KALRN: variants seen among roughly 807,000 people sequenced by gnomAD.
KALRN encodes kalirin.
KALRN carries 70 observed loss-of-function variants against 353.7 expected under a neutral mutation model. The observed-to-expected ratio is 0.20, with a 90% CI of 0.16 to 0.24. KALRN has a LOEUF of 0.24. Ranked by LOEUF, KALRN falls within the 10% of genes least tolerant of loss-of-function variation. The pLI, the probability that KALRN is intolerant of heterozygous loss-of-function variation, is 1.00. For missense variants in KALRN, 2,791 were observed against 3,756.7 expected (o/e 0.74, Z 6.72); for synonymous variants, 1,391 against 1,434.8 (o/e 0.97, Z 0.69).
chr3:124,439,504 A>C (rs2093605756), intron 18 of KALRN, among the ~76,000 whole-genome samples: 1 of 152,214 alleles, frequency 6.6e-6, no homozygotes. Flanking sequence ...TGGCTAATTA[A>C]ATTATTTTTT....
intron 20 of KALRN, 61 bp downstream of exon 20, chr3:124,446,337 CA>C (rs1480809371): frequency 4.0e-6 from 5 of 1,249,348 alleles, no homozygotes; most frequent in Non-Finnish European, 5.8e-6. Context: ...GGCCCATCAC[CA>C]AGGCTTAGTC....
intron 1 of KALRN, among the ~76,000 whole-genome samples, chr3:124,189,001 G>A (rs1027297752): frequency 2.0e-5 from 3 of 152,118 alleles, no homozygotes; most frequent in African/African-American, 7.2e-5. Flanking sequence ...GTCCTGGGGC[G>A]GAGGCATTAT....
chr3:124,446,411 G>A, intron 20 of KALRN, 135 bp downstream of exon 20: 4 of 653,312 alleles, frequency 6.1e-6, no homozygotes, highest in Non-Finnish European at 8.0e-6. Flanking sequence ...AAGAAAGCAG[G>A]TTGTCACCTG....
At chr3:124,540,917 G>T (rs2068962394) in intron 33 of KALRN, among the ~76,000 whole-genome samples, 1 of 152,168 alleles carries the variant, frequency 6.6e-6, no homozygotes, top group South Asian at 2.1e-4. Flanking sequence ...AGTATTAATT[G>T]TTCTCCCTAT....
intron 6 of KALRN, among the ~76,000 whole-genome samples, chr3:124,303,075 A>C (rs1239660360): frequency 3.3e-5 from 5 of 152,238 alleles, no homozygotes; most frequent in African/African-American, 1.2e-4. Context: ...TCATTAAATC[A>C]CAGAAGAAAA....
chr3:124,236,615 C>T (rs2079805808), intron 3 of KALRN, among the ~76,000 whole-genome samples: 1 of 152,158 alleles, frequency 6.6e-6, no homozygotes, highest in African/African-American at 2.4e-5. Flanking sequence ...CTAATTGATG[C>T]TCATCTTTTC....
chr3:124,073,799 G>A (rs1163173026), intron 1 of KALRN, among the ~76,000 whole-genome samples: 1 of 152,090 alleles, frequency 6.6e-6, no homozygotes, highest in Non-Finnish European at 1.5e-5. Context: ...AGGAGGGCCT[G>A]GATTCGAACC....
chr3:124,610,852 AAAAG>A (rs749384272), intron 34 of KALRN, among the ~76,000 whole-genome samples: 4 of 151,130 alleles, frequency 2.6e-5, no homozygotes, highest in African/African-American at 9.8e-5. Flanking sequence ...CCCTACAAAA[AAAAG>A]AAAAGAAAAG....
intron 1 of KALRN, among the ~76,000 whole-genome samples, chr3:124,178,917 C>T (rs1273436419): frequency 6.6e-6 from 1 of 152,050 alleles, no homozygotes; most frequent in Non-Finnish European, 1.5e-5. Context: ...CCAGCCTGGG[C>T]AACATAACGA....
At chr3:124,562,022 G>A (rs1484985523) in intron 33 of KALRN, among the ~76,000 whole-genome samples, 1 of 152,140 alleles carries the variant, frequency 6.6e-6, no homozygotes, top group African/African-American at 2.4e-5. Flanking sequence ...TATTGCTTCT[G>A]CCCCAGGATC....
chr3:124,180,146 T>C (rs1421203952), intron 1 of KALRN, among the ~76,000 whole-genome samples: 1 of 152,198 alleles, frequency 6.6e-6, no homozygotes, highest in East Asian at 1.9e-4. Context: ...ACTGTGGCTC[T>C]TCTCAGCTGC....
At chr3:124,495,957 G>GTGTATATATATATATA (rs1377097482) in intron 32 of KALRN, among the ~76,000 whole-genome samples, 1 of 44,224 alleles carries the variant, frequency 2.3e-5, no homozygotes, top group Non-Finnish European at 4.3e-5. Flanking sequence ...GTGTGTATGT[G>GTGTATATATATATATA]TATGTATGTA....
In KALRN at chr3:124,403,560, A is replaced by T. The variant is rs555767002; in HGVS notation, c.2346+4689A>T. Among the ~76,000 whole-genome samples the T allele has an allele frequency of 6.6e-5, 10 of 152,354 alleles. No homozygotes were observed. In the South Asian group the frequency reaches 2.1e-3, roughly 32 times the overall value. Reference sequence around the variant, plus strand: ...TATCAATTCTAAATCTATGGGGTTCATGTAAAACAAATAGGGGCCAGGCTA... The same window carrying T: ...TATCAATTCTAAATCTATGGGGTTCTTGTAAAACAAATAGGGGCCAGGCTA... On this transcript the variant is annotated intron_variant, in intron 13 of 59. Coordinates refer to ENST00000682506, the MANE Select transcript of KALRN (RefSeq NM_001388419.1).
chr3:124,150,191 A>T (rs1220087183), intron 1 of KALRN, among the ~76,000 whole-genome samples: 1 of 152,224 alleles, frequency 6.6e-6, no homozygotes, highest in African/African-American at 2.4e-5. Flanking sequence ...AACATGGGGA[A>T]AAAAGTAAAA....
Position 124,669,335 on chromosome 3 carries a change from C to T in KALRN, c.6703+2152C>T, listed in dbSNP as rs143722129. Among the ~76,000 whole-genome samples the T allele has an allele frequency of 1.6e-3, 242 of 152,304 alleles. 3 individuals are homozygous for T. Among genetic ancestry groups the T allele is most frequent in the African/African-American group, 5.8e-3 (241 of 41,564 alleles). ...GAAAGAAACAGGATCAGACATAAGACACTGTATCGATCAGTCAAAAACAAA... is the reference window on the plus strand; with the variant it reads ...GAAAGAAACAGGATCAGACATAAGATACTGTATCGATCAGTCAAAAACAAA... On this transcript the variant is annotated intron_variant, in intron 47 of 59. Coordinates refer to ENST00000682506, the MANE Select transcript of KALRN (RefSeq NM_001388419.1).
At chr3:124,625,799 G>A (rs1311202757) in intron 34 of KALRN, among the ~76,000 whole-genome samples, 1 of 152,112 alleles carries the variant, frequency 6.6e-6, no homozygotes, top group Non-Finnish European at 1.5e-5. Context: ...ATTAACATGA[G>A]GCTGGGCACG....
At chr3:124,646,391 C>CTTTTTTTTTTTGTTTTTTTT (rs2082721055) in intron 37 of KALRN, among the ~76,000 whole-genome samples, 1 of 110,492 alleles carries the variant, frequency 9.1e-6, no homozygotes, top group East Asian at 3.5e-4. Context: ...CTTTTGTTTA[C>CTTTTTTTTTTTGTTTTTTTT]TTTTTTTTTT....
intron 34 of KALRN, among the ~76,000 whole-genome samples, chr3:124,616,891 G>C (rs1561433594): frequency 6.6e-6 from 1 of 151,402 alleles, no homozygotes; most frequent in Non-Finnish European, 1.5e-5. Flanking sequence ...CGTGAACCCA[G>C]GAGGCGGAGC....
At chr3:124,395,022 G>T in intron 11 of KALRN, 113 bp from the exon 12 acceptor site, 1 of 713,094 alleles carries the variant, frequency 1.4e-6, no homozygotes. Flanking sequence ...TGATGAGAAT[G>T]GCACTGACTG....
Sources: allele counts gnomAD v4.1 joint callset (sites outside exome capture counted in the v4.1 genomes callset), GRCh38; gene constraint gnomAD v4.1.1; transcripts MANE v1.5; gene names NCBI Gene and HGNC (gene_info 2026-07-23, HGNC 2026-07-21).